Variants in PLCG2 observed in about 807,000 individuals in gnomAD.
PLCG2 encodes the protein phospholipase C gamma 2.
PLCG2 carries 69 observed loss-of-function variants against 175.6 expected under a neutral mutation model. The observed-to-expected ratio is 0.39, with a 90% CI of 0.32 to 0.48. PLCG2 has a LOEUF of 0.48. Ranked by LOEUF, PLCG2 falls within the 20% of genes least tolerant of loss-of-function variation. The pLI, the probability that PLCG2 is intolerant of heterozygous loss-of-function variation, is 0.91. For missense variants in PLCG2, 1,798 were observed against 1,650.9 expected, an observed-to-expected ratio of 1.09 and a Z score of -1.54; for synonymous variants, 827 against 624.0, an observed-to-expected ratio of 1.33 and a Z score of -4.85.
chr16:81,956,602 C>A lies in PLCG2; in HGVS notation c.3571-93C>A, dbSNP rs574393894. ...CAAGTTGCAAAACTTCTGCCCCATG[C>A]TCCCTTTGGGCATGCTTGTGAGATG... On this transcript the variant is annotated intron_variant, in intron 31 of 32. Transcript: ENST00000564138. 3.5e-6 allele frequency: 4 copies of A among 1,128,190 alleles called. No individual in the cohort carries two copies. In the Admixed American group the frequency reaches 6.9e-5, roughly 19 times the overall value. 69.9% of individuals were successfully genotyped at this position (1,128,190 alleles called of 1,614,324 possible). A position where few individuals can be genotyped will look rare whatever the true frequency, so the allele number is the denominator to read the frequency against.
At chr16:81,764,443 G>T (rs564023332) in intron 2 of PLCG2, among the ~76,000 whole-genome samples, 1 of 152,296 alleles carries the variant, frequency 6.6e-6, no homozygotes, top group South Asian at 2.1e-4. Flanking sequence ...AAGAATCAGG[G>T]GATGTGTCTT....
intron 7 of PLCG2, among the ~76,000 whole-genome samples, chr16:81,873,779 T>C (rs1463964318): frequency 1.3e-5 from 2 of 152,108 alleles, no homozygotes. Flanking sequence ...TTAAATAATA[T>C]TAAAAATTAA....
intron 5 of PLCG2, among the ~76,000 whole-genome samples, chr16:81,861,519 C>G (rs1906979083): frequency 6.6e-6 from 1 of 152,244 alleles, no homozygotes; most frequent in Admixed American, 6.5e-5. Context: ...ACCTGCCTTT[C>G]TCTCCGTCCT....
At chr16:81,800,312 T>C (rs928607847) in intron 2 of PLCG2, among the ~76,000 whole-genome samples, 4 of 152,178 alleles carry the variant, frequency 2.6e-5, no homozygotes, top group Non-Finnish European at 5.9e-5. Flanking sequence ...GCTCATCACC[T>C]AGATATTAAG....
intron 21 of PLCG2, among the ~76,000 whole-genome samples, chr16:81,922,736 T>C (rs914732385): frequency 6.6e-6 from 1 of 152,234 alleles, no homozygotes; most frequent in African/African-American, 2.4e-5. Flanking sequence ...AGAAGGAAGC[T>C]GCTCATTTAA....
intron 13 of PLCG2, chr16:81,898,588 TC>T (rs772778117): frequency 1.1e-4 from 17 of 152,184 alleles, no homozygotes; most frequent in African/African-American, 4.1e-4. Flanking sequence ...TGACGTGATT[TC>T]CTATTTATGG....
chr16:81,758,895 C>G (rs1026559614), intron 2 of PLCG2, among the ~76,000 whole-genome samples: 5 of 152,080 alleles, frequency 3.3e-5, no homozygotes, highest in African/African-American at 7.2e-5. Flanking sequence ...CCAGGCTGGT[C>G]TCGAACTCCT....
intron 1 of PLCG2, 51 bp from the exon 2 acceptor site, chr16:81,785,892 A>C (rs1462687373): frequency 1.7e-6 from 2 of 1,147,622 alleles, no homozygotes; most frequent in Non-Finnish European, 2.5e-6. Flanking sequence ...CCTGTTAACT[A>C]AACCCCTTTC....
chr16:81,824,294 T>G (rs13335168), intron 2 of PLCG2, among the ~76,000 whole-genome samples: 1 of 151,954 alleles, frequency 6.6e-6, no homozygotes, highest in Non-Finnish European at 1.5e-5. Context: ...TCACCACACC[T>G]GGCTAATTTG....
At chr16:81,955,237 GTCATTAAAGGAGGA>G in intron 31 of PLCG2, among the ~76,000 whole-genome samples, 2 of 152,154 alleles carry the variant, frequency 1.3e-5, no homozygotes, top group Non-Finnish European at 2.9e-5. Context: ...GTTTTGTTAG[GTCATTAAAGGAGGA>G]AAAAACCTTG....
chr16:81,787,891 G>T (rs560084119), intron 2 of PLCG2, among the ~76,000 whole-genome samples: 4 of 152,250 alleles, frequency 2.6e-5, no homozygotes, highest in East Asian at 3.9e-4. Context: ...ACTTTGTTGC[G>T]TGGATCAGAA....
At chr16:81,787,523 C>T (rs1018518728) in intron 2 of PLCG2, among the ~76,000 whole-genome samples, 3 of 141,438 alleles carry the variant, frequency 2.1e-5, no homozygotes, top group Non-Finnish European at 4.6e-5. Flanking sequence ...CCACCTCACC[C>T]AGCCTTGCAC....
intron 6 of PLCG2, among the ~76,000 whole-genome samples, chr16:81,870,098 C>A (rs770372849): frequency 8.5e-5 from 13 of 152,102 alleles, no homozygotes; most frequent in African/African-American, 2.9e-4. Flanking sequence ...GACCTGCCCC[C>A]AATATTCCAC....
At chr16:81,883,390 C>A in intron 9 of PLCG2, 49 bp downstream of exon 9, 2 of 1,484,692 alleles carry the variant, frequency 1.3e-6, no homozygotes, top group Non-Finnish European at 1.9e-6. Context: ...CGGGATGCTG[C>A]TGGGGACTAG....
intron 2 of PLCG2, among the ~76,000 whole-genome samples, chr16:81,821,598 G>A (rs1229958977): frequency 6.6e-6 from 1 of 152,118 alleles, no homozygotes; most frequent in Non-Finnish European, 1.5e-5. Flanking sequence ...GTTGCCTTGT[G>A]TGCTGCTCTG....
intron 12 of PLCG2, among the ~76,000 whole-genome samples, chr16:81,894,893 T>G (rs1908809454): frequency 6.6e-6 from 1 of 151,564 alleles, no homozygotes; most frequent in African/African-American, 2.4e-5. Context: ...AAATAAAAAA[T>G]AAATAAATAA....
In PLCG2 at chr16:81,795,838, C is replaced by A. The variant is rs547279179; in HGVS notation, c.193+9656C>A. Among the ~76,000 whole-genome samples, 12 of 152,310 alleles carry A rather than the reference C, an allele frequency of 7.9e-5. No homozygotes were observed. The South Asian group carries it at 8.3e-4, about 11-fold the overall frequency. ...CTTTGGCCTCCCAAAGAGCTGGGATCACAGGCATGGGCCACTGTGCCCGGC... is the reference window on the plus strand; with the variant it reads ...CTTTGGCCTCCCAAAGAGCTGGGATAACAGGCATGGGCCACTGTGCCCGGC... On this transcript the variant is annotated intron_variant, in intron 2 of 32. Coordinates refer to ENST00000564138, the MANE Select transcript of PLCG2 (RefSeq NM_002661.5).
At chr16:81,757,483 G>C (rs1481106128) in intron 2 of PLCG2, among the ~76,000 whole-genome samples, 1 of 151,984 alleles carries the variant, frequency 6.6e-6, no homozygotes. Flanking sequence ...AGAATCGCTT[G>C]AATCCAGGAG....
In PLCG2 at chr16:81,869,281, C is replaced by T. The variant is rs772451566; in HGVS notation, c.547C>T (p.Leu183Phe). Residue 183 changes from leucine to phenylalanine, a missense_variant, in exon 6 of 33, where the codon CTT becomes TTT. Leu to Phe is a conservative substitution (Grantham distance 22). Coordinates refer to ENST00000564138, the MANE Select transcript of PLCG2 (RefSeq NM_002661.5). Reference protein sequence around the residue: ...INFKVSSAKFLKDKFVEIGAH... With the variant: ...INFKVSSAKFFKDKFVEIGAH... ...CTTTAAAGTGAGCAGTGCCAAGTTCCTTAAAGATAAGTTTGTGGTAAGTTT... is the reference window on the plus strand; with the variant it reads ...CTTTAAAGTGAGCAGTGCCAAGTTCTTTAAAGATAAGTTTGTGGTAAGTTT... The T allele has an allele frequency of 1.9e-6, 3 of 1,612,758 alleles. No homozygotes were observed. Among genetic ancestry groups the T allele is most frequent in the South Asian group, 2.2e-5 (2 of 91,042 alleles).
Sources: gnomAD v4.1 joint callset for allele counts (sites outside exome capture counted in the v4.1 genomes callset) on GRCh38, gnomAD v4.1.1 for gene constraint, MANE v1.5 for transcripts, NCBI Gene and HGNC (gene_info 2026-07-23, HGNC 2026-07-21) for gene names.